PLXDC2: variants seen among roughly 807,000 people sequenced by gnomAD.
The protein encoded by PLXDC2 is plexin domain-containing protein 2.
Under a neutral mutation model 68.9 loss-of-function variants are expected in PLXDC2, and 40 were observed. The ratio of observed to expected loss-of-function variants is 0.58; its 90% CI spans 0.45 to 0.76. PLXDC2 has a LOEUF of 0.76. Ranked by LOEUF, PLXDC2 falls within the 30% of genes least tolerant of loss-of-function variation. The probability of loss-of-function intolerance (pLI) is 0.00; values close to 1 mark genes in which losing one functional copy is unlikely to be tolerated. For synonymous variants in PLXDC2, 243 were observed against 234.2 expected (o/e 1.04, Z -0.34); for missense variants, 644 against 661.9 (o/e 0.97, Z 0.30).
intron 1 of PLXDC2, among the ~76,000 whole-genome samples, chr10:19,934,381 G>A (rs1187031565): frequency 6.6e-6 from 1 of 152,188 alleles, no homozygotes; most frequent in East Asian, 1.9e-4. Context: ...TATAAAACAA[G>A]ATCTTGGTAC....
intron 2 of PLXDC2, among the ~76,000 whole-genome samples, chr10:20,020,379 C>G (rs7077535): frequency 6.6e-6 from 1 of 151,638 alleles, no homozygotes; most frequent in Non-Finnish European, 1.5e-5. Context: ...ATCTTCACTC[C>G]CAGTTCCTCA....
chr10:19,878,453 G>A (rs1032095169), intron 1 of PLXDC2, among the ~76,000 whole-genome samples: 3 of 152,092 alleles, frequency 2.0e-5, no homozygotes, highest in African/African-American at 7.2e-5. Flanking sequence ...GAAACATTAA[G>A]GTTGCAAATT....
chr10:20,068,103 G>A (rs1056223397), intron 3 of PLXDC2, 67 bp from the exon 4 acceptor site: 12 of 1,343,034 alleles, frequency 8.9e-6, no homozygotes, highest in Admixed American at 8.1e-5. Flanking sequence ...TTAAGTGAAA[G>A]GCTCTTCATT....
At chr10:19,854,249 A>G (rs1265113284) in intron 1 of PLXDC2, among the ~76,000 whole-genome samples, 1 of 152,238 alleles carries the variant, frequency 6.6e-6, no homozygotes, top group Non-Finnish European at 1.5e-5. Flanking sequence ...TGTTTAGGAC[A>G]GTCTCTACAT....
chr10:20,026,636 C>T (rs566572376), intron 2 of PLXDC2, among the ~76,000 whole-genome samples: 71 of 152,058 alleles, frequency 4.7e-4, no homozygotes, highest in Admixed American at 1.8e-3. Flanking sequence ...GATGTGATTC[C>T]AACATGCAGA....
At chr10:20,036,120 C>A (rs1298454270) in intron 2 of PLXDC2, among the ~76,000 whole-genome samples, 1 of 152,062 alleles carries the variant, frequency 6.6e-6, no homozygotes, top group Non-Finnish European at 1.5e-5. Flanking sequence ...AATAAAGGAC[C>A]TGTATGTGTG....
intron 12 of PLXDC2, among the ~76,000 whole-genome samples, chr10:20,240,305 T>C (rs1347219720): frequency 1.3e-5 from 2 of 152,216 alleles, no homozygotes; most frequent in African/African-American, 2.4e-5. Context: ...ATGGTGTATA[T>C]GGACAACATT....
chr10:19,911,060 ATC>A (rs34029368), intron 1 of PLXDC2, among the ~76,000 whole-genome samples: 33,106 of 151,548 alleles, frequency 0.22, 4,065 homozygotes, highest in Middle Eastern at 0.31. Flanking sequence ...TTTATGCCTC[ATC>A]TCGTTCTCAA....
chr10:20,118,131 CACACACAG>C (rs1564321337), intron 4 of PLXDC2, among the ~76,000 whole-genome samples: 3 of 143,610 alleles, frequency 2.1e-5, no homozygotes, highest in Admixed American at 6.9e-5. Flanking sequence ...CACACACACA[CACACACAG>C]ACACACACAC....
chr10:20,191,586 G>C, intron 9 of PLXDC2, among the ~76,000 whole-genome samples: 1 of 150,736 alleles, frequency 6.6e-6, no homozygotes, highest in Non-Finnish European at 1.5e-5. Flanking sequence ...TGCTGCTTTT[G>C]CTGATTTTAA....
At chr10:20,272,503 C>T (rs1296097253) in intron 13 of PLXDC2, among the ~76,000 whole-genome samples, 1 of 152,012 alleles carries the variant, frequency 6.6e-6, no homozygotes, top group Admixed American at 6.6e-5. Context: ...AGTGCCATGC[C>T]TCTCATGGCA....
In PLXDC2 at chr10:20,146,450, TCTTC is replaced by T. The variant is rs112918711; in HGVS notation, c.665-1318_665-1315del. On this transcript the variant is annotated intron_variant, in intron 5 of 13. Coordinates refer to ENST00000377252, the MANE Select transcript of PLXDC2 (RefSeq NM_032812.9). ...CTTTCTTTTTCTTTCTTTCTTCCTT[TCTTC>T]CTTCCTTCCTTCCTTTCTTTCTTTT... Among the ~76,000 whole-genome samples, 1,123 of 145,758 alleles carry T rather than the reference TCTTC, an allele frequency of 7.7e-3. 21 individuals carry two copies. The highest frequency in any genetic ancestry group is 0.026 in the African/African-American group (1,028 of 39,846).
chr10:19,933,669 CA>C lies in PLXDC2; in HGVS notation c.113-68103del, dbSNP rs139988602. Reference sequence around the variant, plus strand: ...ACAAAAACAACAAACAAAACACACACAAACACACACGCGTGCACACACACAC... The same window carrying C: ...ACAAAAACAACAAACAAAACACACACAACACACACGCGTGCACACACACAC... On this transcript the variant is annotated intron_variant, in intron 1 of 13. Coordinates refer to ENST00000377252, the MANE Select transcript of PLXDC2 (RefSeq NM_032812.9). Among the ~76,000 whole-genome samples, 1,275 of 151,916 alleles carry C rather than the reference CA, an allele frequency of 8.4e-3. 25 individuals are homozygous for C. The highest frequency in any genetic ancestry group is 0.029 in the African/African-American group (1,210 of 41,446).
At chr10:19,995,263 A>C (rs1834824356) in intron 1 of PLXDC2, among the ~76,000 whole-genome samples, 1 of 152,216 alleles carries the variant, frequency 6.6e-6, no homozygotes, top group Non-Finnish European at 1.5e-5. Flanking sequence ...CAGCAAAAGG[A>C]GACAAAGCAA....
At chr10:20,080,588 G>A (rs1175375468) in intron 4 of PLXDC2, among the ~76,000 whole-genome samples, 1 of 152,186 alleles carries the variant, frequency 6.6e-6, no homozygotes, top group Non-Finnish European at 1.5e-5. Flanking sequence ...CAGCAAGTCA[G>A]CTTCTCCCAC....
At chr10:20,168,389 A>G (rs886959039) in intron 7 of PLXDC2, among the ~76,000 whole-genome samples, 1 of 152,104 alleles carries the variant, frequency 6.6e-6, no homozygotes, top group Admixed American at 6.6e-5. Context: ...CATCATCGTT[A>G]TCACTTTAAA....
At position 20,282,672 on chromosome 10, in the gene PLXDC2, C is replaced by T. The variant is rs2119402855; in HGVS notation, c.*2853C>T. 2 of 152,236 alleles carry T rather than the reference C, an allele frequency of 1.3e-5. No individual in the cohort carries two copies. Among genetic ancestry groups the T allele is most frequent in the East Asian group, 3.9e-4 (2 of 5,162 alleles). 9.4% of individuals were successfully genotyped at this position (152,236 alleles called of 1,614,324 possible). On this transcript the variant is annotated 3_prime_UTR_variant, in exon 14 of 14. Transcript: ENST00000377252. ...TAGAGCCTACTGCTCAAGGTCATCA[C>T]CAAGGTCTGGTTGCAAAAATTCAAA...
At chr10:19,975,383 A>G (rs1834435645) in intron 1 of PLXDC2, among the ~76,000 whole-genome samples, 1 of 152,044 alleles carries the variant, frequency 6.6e-6, no homozygotes. Flanking sequence ...ACGTGAACCC[A>G]GGAGGCAGAG....
intron 1 of PLXDC2, among the ~76,000 whole-genome samples, chr10:19,920,369 C>G (rs1833439950): frequency 6.6e-6 from 1 of 152,238 alleles, no homozygotes; most frequent in South Asian, 2.1e-4. Context: ...ACACCCCCAT[C>G]CTGTGCCTAT....
Sources: gnomAD v4.1 joint callset for allele counts (sites outside exome capture counted in the v4.1 genomes callset) on GRCh38, gnomAD v4.1.1 for gene constraint, MANE v1.5 for transcripts, NCBI Gene and HGNC (gene_info 2026-07-23, HGNC 2026-07-21) for gene names.